MKLN1: variants seen among roughly 807,000 people sequenced by gnomAD.
MKLN1 encodes the protein muskelin 1, also known as muskelin.
A neutral mutation model predicts 99.0 loss-of-function variants in MKLN1; 18 were observed. That is an observed-to-expected ratio of 0.18 (90% CI 0.13 to 0.27). The LOEUF is 0.27. Ranked by LOEUF, MKLN1 falls within the 10% of genes least tolerant of loss-of-function variation. The pLI, the probability that MKLN1 is intolerant of heterozygous loss-of-function variation, is 1.00. For synonymous variants in MKLN1, 288 were observed against 293.2 expected, an observed-to-expected ratio of 0.98 and a Z score of 0.18; for missense variants, 621 against 875.9, an observed-to-expected ratio of 0.71 and a Z score of 3.67.
chr7:131,152,542 C>A (rs1395593122), intron 2 of MKLN1, among the ~76,000 whole-genome samples: 1 of 148,830 alleles, frequency 6.7e-6, no homozygotes, highest in Non-Finnish European at 1.5e-5. Context: ...CTCTGTCACC[C>A]GGGCTGGAGT....
intron 3 of MKLN1, among the ~76,000 whole-genome samples, chr7:131,387,951 G>A (rs1298197027): frequency 2.6e-5 from 4 of 152,030 alleles, no homozygotes; most frequent in Non-Finnish European, 5.9e-5. Context: ...GGTGGATCAC[G>A]AGGTCAGGAG....
chr7:131,192,446 AATAT>A (rs1264657560), intron 2 of MKLN1, among the ~76,000 whole-genome samples: 296 of 133,488 alleles, frequency 2.2e-3, no homozygotes, highest in African/African-American at 7.9e-3. Flanking sequence ...AAATATATAC[AATAT>A]ATAAATATAT....
intron 3 of MKLN1, among the ~76,000 whole-genome samples, chr7:131,245,299 C>T (rs1459612930): frequency 4.4e-5 from 6 of 137,816 alleles, no homozygotes; most frequent in Non-Finnish European, 7.6e-5. Context: ...GACAGAGTCT[C>T]GCTCTGTTGC....
At chr7:131,195,586 T>TCC (rs368035545) in intron 2 of MKLN1, among the ~76,000 whole-genome samples, 2 of 152,156 alleles carry the variant, frequency 1.3e-5, no homozygotes, top group African/African-American at 4.8e-5. Flanking sequence ...TGCCTTTTTT[T>TCC]CCTCCTCAAT....
intron 3 of MKLN1, among the ~76,000 whole-genome samples, chr7:131,268,919 A>T (rs1797846574): frequency 6.6e-6 from 1 of 152,230 alleles, no homozygotes; most frequent in South Asian, 2.1e-4. Flanking sequence ...GAAAAAGTCC[A>T]TCCCTCAAGC....
rs1343341791 is a variant in MKLN1, at chr7:131,160,492, A to ATTTATT, written c.-297+17551_-297+17552insTTTATT. Among the ~76,000 whole-genome samples the ATTTATT allele has an allele frequency of 2.2e-5, 3 of 138,972 alleles. No individual in the cohort carries two copies. In the Admixed American group the frequency reaches 2.2e-4, roughly 10 times the overall value. 91.2% of individuals were successfully genotyped at this position (138,972 alleles called of 152,430 possible). On this transcript the variant is annotated intron_variant, in intron 2 of 7. Transcript: ENST00000416992. ...TTTAACTTATTTTATTATTATTATTAATTATTATTATTATTATTATTATTA... is the reference window on the plus strand; with the variant it reads ...TTTAACTTATTTTATTATTATTATTATTTATTATTATTATTATTATTATTATTATTA...
chr7:131,199,608 G>A (rs1240813773), intron 2 of MKLN1, among the ~76,000 whole-genome samples: 1 of 152,186 alleles, frequency 6.6e-6, no homozygotes, highest in Non-Finnish European at 1.5e-5. Context: ...GGATGCTACT[G>A]AGAAGGCCTT....
At chr7:131,258,702 T>C (rs1797691934) in intron 3 of MKLN1, among the ~76,000 whole-genome samples, 1 of 152,220 alleles carries the variant, frequency 6.6e-6, no homozygotes, top group Non-Finnish European at 1.5e-5. Flanking sequence ...TCTTTATTAG[T>C]GCCTTGTGTG....
At chr7:131,267,546 TG>T (rs1441964328) in intron 3 of MKLN1, among the ~76,000 whole-genome samples, 2 of 152,142 alleles carry the variant, frequency 1.3e-5, no homozygotes. Flanking sequence ...ACTAGAACTG[TG>T]GTCCCAGGCC....
chr7:131,487,481 G>A lies in MKLN1; in HGVS notation c.2087-126G>A. ...TAGTAGAACTGGGGTCAGATCAGTA[G>A]TGTCTGCCTGGTTTTGAAGCCTGAT... is the stretch of plus-strand genomic sequence containing the variant. On this transcript the variant is annotated intron_variant, in intron 17 of 17. Coordinates refer to ENST00000352689, the MANE Select transcript of MKLN1 (RefSeq NM_013255.5). The surrounding 1 kb of genome is among the most constrained non-coding windows in gnomAD (Gnocchi z 4.7). The A allele has an allele frequency of 9.8e-7, 1 of 1,017,740 alleles. No homozygotes were observed. The highest frequency in any genetic ancestry group is 1.4e-6 in the Non-Finnish European group (1 of 701,336). 63.0% of individuals were successfully genotyped at this position (1,017,740 alleles called of 1,614,324 possible). A position where few individuals can be genotyped will look rare whatever the true frequency, so the allele number is the denominator to read the frequency against.
intron 3 of MKLN1, among the ~76,000 whole-genome samples, chr7:131,284,254 T>C (rs1798100942): frequency 6.6e-6 from 1 of 152,222 alleles, no homozygotes; most frequent in African/African-American, 2.4e-5. Flanking sequence ...ATCAATGATA[T>C]ACAAGAATTT....
chr7:131,275,580 T>A (rs1394998486), intron 3 of MKLN1, among the ~76,000 whole-genome samples: 8 of 112,080 alleles, frequency 7.1e-5, no homozygotes, highest in East Asian at 2.7e-4. Context: ...TTTTTTTTTT[T>A]TTTTTTTTTT....
chr7:131,348,336 T>C (rs1447281538), intron 1 of MKLN1, among the ~76,000 whole-genome samples: 4 of 152,206 alleles, frequency 2.6e-5, no homozygotes, highest in African/African-American at 9.7e-5. Context: ...AGCATACAAC[T>C]ACAGCCATTA....
chr7:131,427,791 T>A (rs1795401376), intron 8 of MKLN1, among the ~76,000 whole-genome samples: 1 of 152,166 alleles, frequency 6.6e-6, no homozygotes, highest in Admixed American at 6.5e-5. Flanking sequence ...CCTGACCTTG[T>A]GATCCACCTG....
rs1225178660 is a variant in MKLN1 at position 131,330,059 on chromosome 7, T to C, written c.98+2062T>C. On this transcript the variant is annotated intron_variant, in intron 1 of 17. Coordinates refer to ENST00000352689, the MANE Select transcript of MKLN1 (RefSeq NM_013255.5). ...GTATTATGGAGCTGGAGTTGGAGAA[T>C]ATTGTGTCTGCTGGGTTGGTGTGTG... Among the ~76,000 whole-genome samples the C allele has an allele frequency of 3.3e-5, 5 of 152,318 alleles. No individual in the cohort carries two copies. In the East Asian group the frequency reaches 7.7e-4, roughly 23 times the overall value.
chr7:131,457,818 A>G (rs1478024294), intron 12 of MKLN1, among the ~76,000 whole-genome samples: 1 of 152,144 alleles, frequency 6.6e-6, no homozygotes, highest in East Asian at 1.9e-4. Context: ...TGGGAGGCTG[A>G]GGTAGGAGAA....
chr7:131,346,385 G>A (rs1799561558), intron 1 of MKLN1, among the ~76,000 whole-genome samples: 1 of 152,102 alleles, frequency 6.6e-6, no homozygotes, highest in Admixed American at 6.5e-5. Flanking sequence ...AGCTGGGCGT[G>A]ATGGTGCACA....
intron 3 of MKLN1, among the ~76,000 whole-genome samples, chr7:131,254,596 G>A (rs924868945): frequency 6.6e-6 from 1 of 151,794 alleles, no homozygotes; most frequent in African/African-American, 2.4e-5. Context: ...TAAAGAAATA[G>A]ATTTTTTTTT....
intron 2 of MKLN1, among the ~76,000 whole-genome samples, chr7:131,144,742 G>A (rs1370667114): frequency 6.6e-6 from 1 of 151,924 alleles, no homozygotes; most frequent in East Asian, 1.9e-4. Context: ...CTTTGAGAGG[G>A]CGAGGTGGGC....
Sources: allele counts gnomAD v4.1 joint callset (sites outside exome capture counted in the v4.1 genomes callset), GRCh38; gene constraint gnomAD v4.1.1; non-coding constraint Gnocchi (gnomAD v3.1); transcripts MANE v1.5; gene names NCBI Gene and HGNC (gene_info 2026-07-23, HGNC 2026-07-21).